RGS11: variants seen among roughly 807,000 people sequenced by gnomAD.
RGS11 encodes the protein regulator of G protein signaling 11.
In RGS11, 86 loss-of-function variants were observed where a neutral mutation model predicts 71.1. The observed-to-expected ratio is 1.21, with a 90% CI of 1.02 to 1.45. The LOEUF is 1.45. RGS11 is among the 40% of genes most tolerant of loss of function. The probability of loss-of-function intolerance (pLI) is 0.00; values close to 1 mark genes in which losing one functional copy is unlikely to be tolerated. For missense variants in RGS11, 734 were observed against 635.1 expected (o/e 1.16, Z -1.67); for synonymous variants, 298 against 254.2 (o/e 1.17, Z -1.64).
Position 271,535 on chromosome 16 carries a change from C to A in RGS11, c.687+5G>T. The A allele has an allele frequency of 6.2e-7, 1 of 1,614,018 alleles. No individual in the cohort carries two copies. The highest frequency in any genetic ancestry group is 1.3e-5 in the African/African-American group (1 of 75,056). On this transcript the variant is annotated splice_donor_5th_base_variant and intron_variant, in intron 10 of 16. Transcript: ENST00000397770. ...GCACCCTCCACTCCCAGCTCCAGAA[C>A]TTACCTCCCGCTTATGGAAATCTGC...
Position 271,001 on chromosome 16 carries a change from A to G in RGS11, c.962T>C (p.Leu321Pro), listed in dbSNP as rs1420702682. 6.2e-7 allele frequency: 1 copy of G among 1,612,094 alleles called. No homozygotes were observed. The highest frequency in any genetic ancestry group is 1.7e-5 in the Admixed American group (1 of 60,012). Residue 321 changes from leucine (L) to proline (P), a missense_variant, in exon 13 of 17, where the codon CTG (leucine) becomes CCG (proline). Coordinates refer to ENST00000397770, the MANE Select transcript of RGS11 (RefSeq NM_183337.3). ...GTTCTCACCACTGAACTCCTTTCCC[A>G]GAAAGTCCATGAAGTGGGCCCGCCC... Reference protein sequence around the residue: ...PVGRAHFMDFLGKEFSGENLS... With the variant: ...PVGRAHFMDFPGKEFSGENLS...
At position 270,638 on chromosome 16, in the gene RGS11, G is replaced by A. The variant is rs1255733211; in HGVS notation, c.1091C>T (p.Ala364Val). 1.2e-6 allele frequency: 2 copies of A among 1,609,132 alleles called. No individual in the cohort carries two copies. Among genetic ancestry groups the A allele is most frequent in the Admixed American group, 3.4e-5 (2 of 59,474 alleles). ...CCGGCTGTCGATGTTGACCCAGTGGGCAGCTCCGGGGGCCAGGAACTGCCT... is the reference window on the plus strand; with the variant it reads ...CCGGCTGTCGATGTTGACCCAGTGGACAGCTCCGGGGGCCAGGAACTGCCT... ...VYEQFLAPGA[A>V]HWVNIDSRTM... The change falls in exon 15 of 17, where the codon GCC becomes GTC. Residue 364 changes from alanine (A) to valine (V), a missense_variant. Physicochemically the swap from Ala to Val is moderately conservative, Grantham distance 64 (BLOSUM62 0). Coordinates refer to ENST00000397770, the MANE Select transcript of RGS11 (RefSeq NM_183337.3).
chr16:270,786 C>T lies in RGS11; in HGVS notation c.1025G>A (p.Gly342Glu), dbSNP rs1198769877. The T allele has an allele frequency of 6.2e-7, 1 of 1,612,440 alleles. No homozygotes were observed. Among genetic ancestry groups the T allele is most frequent in the Non-Finnish European group, 8.5e-7 (1 of 1,179,930 alleles). Residue 342 changes from glycine (G) to glutamate (E), a missense_variant, in exon 14 of 17, where the codon GGA (glycine) becomes GAA (glutamate). Physicochemically the swap from Gly to Glu is moderately conservative, Grantham distance 98. Transcript: ENST00000397770. ...CAGGGTGGGGACCTGGGCCTGCGCT[C>T]CATATCGAAGCTCCTCACATGCCTC... Reference protein sequence around the residue: ...FWEACEELRYGAQAQVPTLVD... With the variant: ...FWEACEELRYEAQAQVPTLVD...
At position 271,117 on chromosome 16, in the gene RGS11, C is replaced by T; in HGVS notation, c.864-18G>A. 1.9e-6 allele frequency: 3 copies of T among 1,605,552 alleles called. No individual in the cohort carries two copies. Among genetic ancestry groups the T allele is most frequent in the Non-Finnish European group, 2.6e-6 (3 of 1,174,404 alleles). On this transcript the variant is annotated intron_variant, in intron 12 of 16. Coordinates refer to ENST00000397770, the MANE Select transcript of RGS11 (RefSeq NM_183337.3). Reference sequence around the variant, plus strand: ...CAGCCACCCTGGGGAGAGGGCAGGGCTGTTGGGGAGGGTGGGGACTGACCC... The same window carrying T: ...CAGCCACCCTGGGGAGAGGGCAGGGTTGTTGGGGAGGGTGGGGACTGACCC...
intron 15 of RGS11, 107 bp from the exon 16 acceptor site, chr16:269,692 G>A: frequency 2.3e-6 from 2 of 885,442 alleles, no homozygotes; most frequent in Admixed American, 2.3e-5. Flanking sequence ...CAGCCACAGA[G>A]TCTCCGGCGG....
intron 9 of RGS11, chr16:272,367 C>T (rs1405906061): frequency 7.7e-7 from 1 of 1,290,596 alleles, no homozygotes; most frequent in Admixed American, 2.3e-5. Context: ...GAAGTTTTAT[C>T]AGTGAGGTTC....
rs1420371895 is a variant in RGS11 at position 275,840 on chromosome 16, G to A, written c.63+9C>T. On this transcript the variant is annotated intron_variant, in intron 1 of 16. Coordinates refer to ENST00000397770, the MANE Select transcript of RGS11 (RefSeq NM_183337.3). The stretch of plus-strand genomic sequence containing the variant: ...TCGGGGGACGGCGGGACACCCACCC[G>A]CCTCGCACCTTCCTCAGATGCGGCA... The A allele has an allele frequency of 2.8e-6, 3 of 1,064,352 alleles. No individual in the cohort carries two copies. Among genetic ancestry groups the A allele is most frequent in the Admixed American group, 4.6e-5 (1 of 21,596 alleles). The allele number at this position is 1,064,352 out of a possible 1,614,324, so 65.9% of individuals were successfully genotyped here. A position where few individuals can be genotyped will look rare whatever the true frequency, so the allele number is the denominator to read the frequency against.
rs371454242 is a variant in RGS11, at chr16:274,270, C to A, written c.319-5G>T. 5.0e-6 allele frequency: 8 copies of A among 1,608,450 alleles called. No homozygotes were observed. The highest frequency in any genetic ancestry group is 1.7e-4 in the Middle Eastern group (1 of 6,056). On this transcript the variant is annotated splice_polypyrimidine_tract_variant and splice_region_variant and intron_variant, in intron 4 of 16. Transcript: ENST00000397770. ...ACTTGTCCAGAAGTACGGGGTCTGGCGTGGTGCAGGGAGAAGGTGTCCAGG... is the reference window on the plus strand; with the variant it reads ...ACTTGTCCAGAAGTACGGGGTCTGGAGTGGTGCAGGGAGAAGGTGTCCAGG...
rs769672916 is a variant in RGS11 at position 271,471 on chromosome 16, GGGCCTGTGAGTC to G, written c.688-23_688-12del. ...CCTGAAGTACTCGATCTAGGATGTG[GGGCCTGTGAGTC>G]AGGTCCCGGGCTGGGGAAGGCACCT... On this transcript the variant is annotated splice_polypyrimidine_tract_variant and intron_variant, in intron 10 of 16. Coordinates refer to ENST00000397770, the MANE Select transcript of RGS11 (RefSeq NM_183337.3). The G allele has an allele frequency of 6.2e-7, 1 of 1,613,944 alleles. No homozygotes were observed. Among genetic ancestry groups the G allele is most frequent in the Non-Finnish European group, 8.5e-7 (1 of 1,180,016 alleles).
At position 274,038 on chromosome 16, in the gene RGS11, C is replaced by A. The variant is rs1472027421; in HGVS notation, c.429+5G>T. On this transcript the variant is annotated splice_donor_5th_base_variant and intron_variant, in intron 6 of 16. Coordinates refer to ENST00000397770, the MANE Select transcript of RGS11 (RefSeq NM_183337.3). Reference sequence around the variant, plus strand: ...AGCCGGGGCGGGAAGGGTGGGGGGTCCCACCTTCTCATAATCCACCAGGGT... The same window carrying A: ...AGCCGGGGCGGGAAGGGTGGGGGGTACCACCTTCTCATAATCCACCAGGGT... 2 of 1,549,346 alleles carry A rather than the reference C, an allele frequency of 1.3e-6. No individual in the cohort carries two copies. The highest frequency in any genetic ancestry group is 2.7e-5 in the African/African-American group (2 of 72,730).
In RGS11 at chr16:275,870, C is replaced by G; in HGVS notation, c.42G>C (p.Ala14=). 1 of 1,020,144 alleles carries G rather than the reference C, an allele frequency of 9.8e-7. No homozygotes were observed. The highest frequency in any genetic ancestry group is 4.5e-5 in the South Asian group (1 of 22,282). 63.2% of individuals were successfully genotyped at this position (1,020,144 alleles called of 1,614,324 possible). ...GCACCTTCCTCAGATGCGGCATCTG[C>G]GCCCGGGGGCGGCCGGGGGGCGGCG... ...GPAPPPGRPR[A]QMPHLRKMER... The change falls in exon 1 of 17, where the codon GCG becomes GCC. Residue 14 remains alanine, a synonymous_variant. Coordinates refer to ENST00000397770, the MANE Select transcript of RGS11 (RefSeq NM_183337.3).
chr16:273,038 G>A, intron 8 of RGS11, 107 bp from the exon 9 acceptor site: 1 of 1,085,576 alleles, frequency 9.2e-7, no homozygotes, highest in Non-Finnish European at 1.3e-6. Flanking sequence ...ACACTCAAAG[G>A]AACTCGGGAA....
chr16:275,192 A>G, intron 3 of RGS11, 91 bp downstream of exon 3: 1 of 1,600,768 alleles, frequency 6.2e-7, no homozygotes, highest in Non-Finnish European at 8.5e-7. Context: ...CGCGCTCAGC[A>G]GGGCTCTGAG....
In RGS11 at chr16:268,794, C is replaced by T. The variant is rs1476575732; in HGVS notation, c.*475G>A. ...CTTCCAGGCTCACACTGGGCGACAG[C>T]GGAGAGGCTCTTGGACGGGGCAGAG... is the stretch of plus-strand genomic sequence containing the variant. On this transcript the variant is annotated 3_prime_UTR_variant, in exon 17 of 17. Transcript: ENST00000397770. 15 of 1,550,148 alleles carry T rather than the reference C, an allele frequency of 9.7e-6. No individual in the cohort carries two copies. Among genetic ancestry groups the T allele is most frequent in the Admixed American group, 3.9e-5 (2 of 50,982 alleles).
At chr16:273,208 C>G (rs2052014467) in intron 8 of RGS11, among the ~76,000 whole-genome samples, 1 of 152,192 alleles carries the variant, frequency 6.6e-6, no homozygotes, top group South Asian at 2.1e-4. Context: ...GAGGCAGAGT[C>G]TGCAGTCCCC....
At chr16:273,685 C>T in intron 7 of RGS11, 75 bp downstream of exon 7, 1 of 1,550,936 alleles carries the variant, frequency 6.4e-7, no homozygotes, top group African/African-American at 1.4e-5. Flanking sequence ...GCCACCGGAG[C>T]CTGGCCTGGG....
At chr16:271,518 C>T (rs753336870) in intron 10 of RGS11, 22 bp downstream of exon 10, 3 of 1,614,008 alleles carry the variant, frequency 1.9e-6, no homozygotes, top group East Asian at 2.2e-5. Context: ...TGGCACCCTC[C>T]ACTCCCAGCT....
chr16:275,310 C>T lies in RGS11; in HGVS notation c.184G>A (p.Ala62Thr), dbSNP rs767899208. Residue 62 changes from alanine (A) to threonine (T), a missense_variant, in exon 3 of 17, where the codon GCC (alanine) becomes ACC (threonine). Coordinates refer to ENST00000397770, the MANE Select transcript of RGS11 (RefSeq NM_183337.3). ...TCCTCCGAGACGCAGAACTTCTGGG[C>T]CAACCACTGCACGACGTCGCTGCCT... is the stretch of plus-strand genomic sequence containing the variant. Reference protein sequence around the residue: ...VTGSDVVQWLAQKFCVSEEEA... With the variant: ...VTGSDVVQWLTQKFCVSEEEA... The T allele has an allele frequency of 8.7e-6, 14 of 1,612,422 alleles. No homozygotes were observed. In the African/African-American group the frequency reaches 1.5e-4, roughly 17 times the overall value.
At position 268,964 on chromosome 16, in the gene RGS11, G is replaced by C. The variant is rs2051793134; in HGVS notation, c.*305C>G. The C allele has an allele frequency of 6.5e-7, 1 of 1,547,024 alleles. No individual in the cohort carries two copies. The highest frequency in any genetic ancestry group is 1.2e-5 in the South Asian group (1 of 83,998). Reference sequence around the variant, plus strand: ...ACCCAGTGCTGGACTGAAGACCAGAGAAGGTGGAGCTCCCTGTGGCCTTGG... The same window carrying C: ...ACCCAGTGCTGGACTGAAGACCAGACAAGGTGGAGCTCCCTGTGGCCTTGG... On this transcript the variant is annotated 3_prime_UTR_variant, in exon 17 of 17. Coordinates refer to ENST00000397770, the MANE Select transcript of RGS11 (RefSeq NM_183337.3).
Sources: allele counts gnomAD v4.1 joint callset (sites outside exome capture counted in the v4.1 genomes callset), GRCh38; gene constraint gnomAD v4.1.1; transcripts MANE v1.5; gene names NCBI Gene and HGNC (gene_info 2026-07-23, HGNC 2026-07-21).